NKAIN2: variants seen among roughly 807,000 people sequenced by gnomAD.
The protein encoded by NKAIN2 is sodium/potassium-transporting ATPase subunit beta-1-interacting protein 2.
NKAIN2 carries 14 observed loss-of-function variants against 32.6 expected under a neutral mutation model. The observed-to-expected ratio is 0.43, with a 90% CI of 0.28 to 0.67. The LOEUF is 0.67. Ranked by LOEUF, NKAIN2 falls within the 30% of genes least tolerant of loss-of-function variation. NKAIN2 has a pLI of 0.17. For synonymous variants in NKAIN2, 80 were observed against 87.2 expected (o/e 0.92, Z 0.46); for missense variants, 198 against 258.3 (o/e 0.77, Z 1.60).
chr6:124,616,971 TA>T (rs1782930796), intron 3 of NKAIN2, among the ~76,000 whole-genome samples: 1 of 152,182 alleles, frequency 6.6e-6, no homozygotes, highest in Non-Finnish European at 1.5e-5. Context: ...CTCTGCTTCC[TA>T]AACAATAAAG....
At chr6:124,517,797 T>C (rs1328539078) in intron 3 of NKAIN2, among the ~76,000 whole-genome samples, 1 of 152,204 alleles carries the variant, frequency 6.6e-6, no homozygotes, top group Non-Finnish European at 1.5e-5. Context: ...CAAATAAATG[T>C]TAAATTCAGA....
chr6:124,049,402 C>A (rs1325874622), intron 1 of NKAIN2, among the ~76,000 whole-genome samples: 2 of 151,972 alleles, frequency 1.3e-5, no homozygotes, highest in African/African-American at 4.8e-5. Context: ...TCATCCAGAT[C>A]TCTTCCAGAT....
At chr6:124,153,971 A>C (rs1185360019) in intron 1 of NKAIN2, among the ~76,000 whole-genome samples, 1 of 151,072 alleles carries the variant, frequency 6.6e-6, no homozygotes, top group Non-Finnish European at 1.5e-5. Context: ...ATACTGAAGA[A>C]GTTCCCTTCC....
chr6:124,501,721 C>A (rs987561267), intron 3 of NKAIN2, among the ~76,000 whole-genome samples: 1 of 152,162 alleles, frequency 6.6e-6, no homozygotes, highest in Non-Finnish European at 1.5e-5. Flanking sequence ...CCCTGACCCA[C>A]CTTCGCCTCT....
At chr6:124,612,251 A>G (rs1241322350) in intron 3 of NKAIN2, among the ~76,000 whole-genome samples, 2 of 151,994 alleles carry the variant, frequency 1.3e-5, no homozygotes, top group Non-Finnish European at 2.9e-5. Flanking sequence ...TAGGGGGAAA[A>G]AAAAATAAAA....
intron 3 of NKAIN2, among the ~76,000 whole-genome samples, chr6:124,464,558 A>C (rs1445126367): frequency 6.6e-6 from 1 of 151,914 alleles, no homozygotes; most frequent in Non-Finnish European, 1.5e-5. Context: ...GTTATAGTAT[A>C]CATGCCATCT....
At chr6:124,031,511 A>G (rs1166921718) in intron 1 of NKAIN2, among the ~76,000 whole-genome samples, 6 of 152,170 alleles carry the variant, frequency 3.9e-5, no homozygotes, top group Admixed American at 2.6e-4. Context: ...TAGGGTGTCA[A>G]TTTTAGATCT....
At chr6:124,119,673 A>G (rs1785783033) in intron 1 of NKAIN2, among the ~76,000 whole-genome samples, 1 of 152,186 alleles carries the variant, frequency 6.6e-6, no homozygotes, top group African/African-American at 2.4e-5. Flanking sequence ...TTACATGAAA[A>G]AATACATTTT....
rs141804442 is a variant in NKAIN2 at position 124,763,806 on chromosome 6, TTTTA to T, written c.475-27529_475-27526del. Among the ~76,000 whole-genome samples, 66 of 152,336 alleles carry T rather than the reference TTTTA, an allele frequency of 4.3e-4. 1 individual carries two copies. In the East Asian group the frequency reaches 9.6e-3, roughly 22 times the overall value. ...TTTAAACAACATTCATAGATACTGT[TTTTA>T]TTTGTCAGTTAAAGTGTATATAATT... On this transcript the variant is annotated intron_variant, in intron 4 of 6. Transcript: ENST00000368417.
chr6:124,160,428 T>C (rs1387067133), intron 1 of NKAIN2, among the ~76,000 whole-genome samples: 1 of 152,166 alleles, frequency 6.6e-6, no homozygotes, highest in Non-Finnish European at 1.5e-5. Flanking sequence ...GGAACAACTG[T>C]ATTTTCTACA....
intron 3 of NKAIN2, among the ~76,000 whole-genome samples, chr6:124,367,474 G>T (rs1051290663): frequency 1.3e-5 from 2 of 152,092 alleles, no homozygotes; most frequent in Non-Finnish European, 2.9e-5. Context: ...CTCTGTGGTG[G>T]TAGCAAGCAA....
chr6:124,148,266 T>A (rs1787521379), intron 1 of NKAIN2, among the ~76,000 whole-genome samples: 1 of 149,184 alleles, frequency 6.7e-6, no homozygotes. Flanking sequence ...AAAATGCGAA[T>A]AATAAAATCA....
At chr6:124,556,228 A>G (rs1780470776) in intron 3 of NKAIN2, among the ~76,000 whole-genome samples, 1 of 152,074 alleles carries the variant, frequency 6.6e-6, no homozygotes, top group Admixed American at 6.5e-5. Flanking sequence ...CCTGTCATTT[A>G]CATCTTTCTT....
Position 124,497,541 on chromosome 6 carries a change from T to C in NKAIN2, c.273+142194T>C, listed in dbSNP as rs184965602. Among the ~76,000 whole-genome samples, 352 of 152,204 alleles carry C rather than the reference T, an allele frequency of 2.3e-3. 3 individuals carry two copies. The highest frequency in any genetic ancestry group is 8.1e-3 in the African/African-American group (335 of 41,540). ...GATATTAATGTCTGGCACTTTTTTT[T>C]CCCTATAAATCAGTAACAAAAAGAT... On this transcript the variant is annotated intron_variant, in intron 3 of 6. Transcript: ENST00000368417.
At chr6:124,788,961 G>A (rs1779625546) in intron 4 of NKAIN2, among the ~76,000 whole-genome samples, 1 of 152,084 alleles carries the variant, frequency 6.6e-6, no homozygotes, top group Non-Finnish European at 1.5e-5. Flanking sequence ...GTAGTTAGAA[G>A]TGACCAATTT....
chr6:124,361,916 A>G (rs1002184080), intron 3 of NKAIN2, among the ~76,000 whole-genome samples: 22 of 152,126 alleles, frequency 1.4e-4, no homozygotes, highest in African/African-American at 4.8e-4. Context: ...GATATCAGAT[A>G]TTTGGATTCT....
intron 1 of NKAIN2, among the ~76,000 whole-genome samples, chr6:124,099,250 C>T (rs72976404): frequency 0.021 from 3,117 of 152,006 alleles, 31 homozygotes; most frequent in Non-Finnish European, 0.03. Context: ...CCATTTAATT[C>T]CTGTAATAAT....
At chr6:124,499,904 T>C (rs1238346688) in intron 3 of NKAIN2, among the ~76,000 whole-genome samples, 2 of 152,220 alleles carry the variant, frequency 1.3e-5, no homozygotes, top group Non-Finnish European at 2.9e-5. Context: ...AATCAGAGGC[T>C]GAGTGTCTTT....
At chr6:124,794,838 C>T in intron 5 of NKAIN2, 6 of 957,860 alleles carry the variant, frequency 6.3e-6, no homozygotes, top group Non-Finnish European at 7.5e-6. Context: ...TGATGTTTAT[C>T]CTCAGACGAT....
Sources: allele counts gnomAD v4.1 joint callset (sites outside exome capture counted in the v4.1 genomes callset), GRCh38; gene constraint gnomAD v4.1.1; transcripts MANE v1.5; gene names NCBI Gene and HGNC (gene_info 2026-07-23, HGNC 2026-07-21).